Variants in RTN4IP1 observed in about 807,000 individuals in gnomAD.
The protein encoded by RTN4IP1 is NAD(P)H oxidoreductase RTN4IP1, mitochondrial.
A neutral mutation model predicts 46.6 loss-of-function variants in RTN4IP1; 32 were observed. That is an observed-to-expected ratio of 0.69 (90% CI 0.52 to 0.92). The LOEUF (loss-of-function observed/expected upper bound fraction) is 0.92. Ranked by LOEUF, RTN4IP1 falls within the 40% of genes least tolerant of loss-of-function variation. The pLI, the probability that RTN4IP1 is intolerant of heterozygous loss-of-function variation, is 0.00. For synonymous variants in RTN4IP1, 167 were observed against 161.8 expected, an observed-to-expected ratio of 1.03 and a Z score of -0.24; for missense variants, 424 against 485.8, an observed-to-expected ratio of 0.87 and a Z score of 1.20.
At chr6:106,587,588 C>T (rs1023489617) in intron 7 of RTN4IP1, 91 bp downstream of exon 7, 8 of 1,198,794 alleles carry the variant, frequency 6.7e-6, no homozygotes, top group Non-Finnish European at 9.5e-6. Context: ...TGCTATGCGG[C>T]CTCCAAGAGA....
chr6:106,577,704 T>A (rs1050470345), intron 8 of RTN4IP1, among the ~76,000 whole-genome samples: 4 of 152,112 alleles, frequency 2.6e-5, no homozygotes, highest in African/African-American at 9.7e-5. Context: ...ATGCAGAGAT[T>A]ATCCTGGATT....
intron 5 of RTN4IP1, among the ~76,000 whole-genome samples, chr6:106,601,696 C>T (rs766484557): frequency 3.3e-5 from 5 of 152,062 alleles, no homozygotes; most frequent in African/African-American, 7.2e-5. Context: ...CTGAAACCTC[C>T]GCCTTCCAGG....
intron 8 of RTN4IP1, among the ~76,000 whole-genome samples, chr6:106,581,201 G>C (rs1775362790): frequency 6.6e-6 from 1 of 152,112 alleles, no homozygotes; most frequent in African/African-American, 2.4e-5. Context: ...TCCATCTTTA[G>C]GGTTTTTGAA....
At chr6:106,617,337 CTT>C (rs1776380857) in intron 4 of RTN4IP1, among the ~76,000 whole-genome samples, 1 of 152,190 alleles carries the variant, frequency 6.6e-6, no homozygotes, top group African/African-American at 2.4e-5. Context: ...TGTTGAGACT[CTT>C]TGCAATGGGT....
chr6:106,625,606 C>T (rs2114685672), intron 1 of RTN4IP1, among the ~76,000 whole-genome samples: 1 of 150,542 alleles, frequency 6.6e-6, no homozygotes, highest in Non-Finnish European at 1.5e-5. Flanking sequence ...AGCAGTAGCT[C>T]GAAGTGGGAA....
intron 5 of RTN4IP1, 35 bp from the exon 6 acceptor site, chr6:106,592,335 AG>A: frequency 6.2e-7 from 1 of 1,602,474 alleles, no homozygotes; most frequent in Non-Finnish European, 8.5e-7. Context: ...AGAATAAAAA[AG>A]GGAGAGATTA....
In RTN4IP1 at chr6:106,571,792, T is replaced by A; in HGVS notation, c.*204A>T. ...AGGAACAGCTTGAAAAAACTTCGAA[T>A]TTCTACTGACTACAGACAAATCCAA... On this transcript the variant is annotated 3_prime_UTR_variant, in exon 9 of 9. Transcript: ENST00000369063. 1 of 493,862 alleles carries A rather than the reference T, an allele frequency of 2.0e-6. No individual in the cohort carries two copies. Among genetic ancestry groups the A allele is most frequent in the South Asian group, 2.8e-5 (1 of 35,172 alleles). 30.6% of individuals were successfully genotyped at this position (493,862 alleles called of 1,614,324 possible). A position where few individuals can be genotyped will look rare whatever the true frequency, so the allele number is the denominator to read the frequency against.
rs1417605990 is a variant in RTN4IP1 at position 106,578,654 on chromosome 6, C to G, written c.1083+4674G>C. 3.3e-5 allele frequency among the ~76,000 whole-genome samples: 5 copies of G among 152,282 alleles called. No homozygotes were observed. The East Asian group carries it at 7.7e-4, about 24-fold the overall frequency. On this transcript the variant is annotated intron_variant, in intron 8 of 8. Transcript: ENST00000369063. ...CAGTTTGCAAACTAGTGTCCAAGAG[C>G]CCAGGGCTCCTTGGCTGTGTGGAGC...
rs994688101 is a variant in RTN4IP1, at chr6:106,628,902, G to A, written c.120C>T (p.Ser40=). 6.2e-7 allele frequency: 1 copy of A among 1,613,990 alleles called. No homozygotes were observed. Among genetic ancestry groups the A allele is most frequent in the Admixed American group, 1.7e-5 (1 of 59,994 alleles). Residue 40 remains serine (S), a synonymous_variant, in exon 1 of 9, where the codon AGC becomes AGT. Coordinates refer to ENST00000369063, the MANE Select transcript of RTN4IP1 (RefSeq NM_032730.5). ...CTATCACCCAAGCAGGCATGACAGT[G>A]CTCCTAGGAGAGGTAGTACTAATCC... ...VRRISTTSPR[S]TVMPAWVIDK...
intron 4 of RTN4IP1, among the ~76,000 whole-genome samples, chr6:106,607,995 G>T (rs1776129366): frequency 6.6e-6 from 1 of 152,106 alleles, no homozygotes; most frequent in Non-Finnish European, 1.5e-5. Flanking sequence ...TCCAGAGGAA[G>T]GAGAATCAGT....
chr6:106,629,729 G>A, upstream of RTN4IP1: 4 of 1,597,746 alleles, frequency 2.5e-6, no homozygotes, highest in East Asian at 2.3e-5. Context: ...GCCCGCTGAG[G>A]CCCCCGGGAG....
At chr6:106,597,544 A>G (rs1180002805) in intron 5 of RTN4IP1, among the ~76,000 whole-genome samples, 1 of 152,044 alleles carries the variant, frequency 6.6e-6, no homozygotes, top group Non-Finnish European at 1.5e-5. Flanking sequence ...AGGTTTTGCC[A>G]TGTTGCCCAG....
chr6:106,592,150 G>T lies in RTN4IP1; in HGVS notation c.806+14C>A. The stretch of plus-strand genomic sequence containing the variant: ...TGTTCCCACTCCCAGTGTGAACATT[G>T]TTCTAATACATACGGTTTTAAGGAT... On this transcript the variant is annotated intron_variant, in intron 6 of 8. Coordinates refer to ENST00000369063, the MANE Select transcript of RTN4IP1 (RefSeq NM_032730.5). The T allele has an allele frequency of 1.2e-6, 2 of 1,613,174 alleles. No individual in the cohort carries two copies. The highest frequency in any genetic ancestry group is 1.7e-6 in the Non-Finnish European group (2 of 1,179,554).
chr6:106,629,331 T>C lies in RTN4IP1; in HGVS notation c.-310A>G. On this transcript the variant is annotated 5_prime_UTR_variant, in exon 1 of 9. Transcript: ENST00000369063. ...GGGGGGCGGGGCATTAAAAAGCAGG[T>C]GCGCAAACCCCCTAGATCCCTGCCC... 1.9e-6 allele frequency: 1 copy of C among 529,868 alleles called. No individual in the cohort carries two copies. The highest frequency in any genetic ancestry group is 3.2e-5 in the East Asian group (1 of 31,574). The allele number at this position is 529,868 out of a possible 1,614,324, so 32.8% of individuals were successfully genotyped here. A position where few individuals can be genotyped will look rare whatever the true frequency, so the allele number is the denominator to read the frequency against.
At chr6:106,588,466 C>T (rs78614445) in intron 6 of RTN4IP1, among the ~76,000 whole-genome samples, 2,019 of 152,254 alleles carry the variant, frequency 0.013, 48 homozygotes, top group African/African-American at 0.046. Context: ...GTTTCAGGTA[C>T]AGCATCAGGA....
chr6:106,587,720 T>G lies in RTN4IP1; in HGVS notation c.949A>C (p.Met317Leu), dbSNP rs1268515692. The stretch of plus-strand genomic sequence containing the variant: ...CCTACAGTGACTCCTGTCTGCAACA[T>G]GCCATCTGCTATGCCCAATCGGTCC... The part of the protein sequence containing the change: ...NMDRLGIADG[M>L]LQTGVTVGSK... The change falls in exon 7 of 9, where the codon ATG becomes CTG. Residue 317 changes from methionine (M) to leucine (L), a missense_variant. By Grantham distance (15) the Met-to-Leu change is conservative. Coordinates refer to ENST00000369063, the MANE Select transcript of RTN4IP1 (RefSeq NM_032730.5). 6 of 1,613,512 alleles carry G rather than the reference T, an allele frequency of 3.7e-6. No homozygotes were observed. Among genetic ancestry groups the G allele is most frequent in the Middle Eastern group, 1.8e-4 (1 of 5,696 alleles).
At chr6:106,618,443 C>T (rs6900830) in intron 4 of RTN4IP1, among the ~76,000 whole-genome samples, 11,350 of 152,222 alleles carry the variant, frequency 0.075, 1,067 homozygotes, top group African/African-American at 0.2. Flanking sequence ...AACACCACAA[C>T]CTCCTTGCTA....
chr6:106,620,965 C>T (rs1394154228), intron 3 of RTN4IP1, among the ~76,000 whole-genome samples: 1 of 152,114 alleles, frequency 6.6e-6, no homozygotes, highest in Non-Finnish European at 1.5e-5. Context: ...ACCTTTTCCC[C>T]CTTCCTGCCC....
chr6:106,629,698 T>A, upstream of RTN4IP1: 1 of 1,606,360 alleles, frequency 6.2e-7, no homozygotes, highest in Middle Eastern at 1.7e-4. Context: ...GGCCGGAGCC[T>A]CCGAGAAGTG....
Sources: gnomAD v4.1 joint callset for allele counts (sites outside exome capture counted in the v4.1 genomes callset) on GRCh38, gnomAD v4.1.1 for gene constraint, MANE v1.5 for transcripts, NCBI Gene and HGNC (gene_info 2026-07-23, HGNC 2026-07-21) for gene names.